MMP17: variants seen among roughly 807,000 people sequenced by gnomAD.
MMP17 encodes matrix metalloproteinase-17.
A neutral mutation model predicts 49.1 loss-of-function variants in MMP17; 54 were observed. The ratio of observed to expected loss-of-function variants is 1.10; its 90% CI spans 0.88 to 1.38. The LOEUF is 1.38. Ranked by LOEUF, MMP17 falls within the 40% of genes most tolerant of loss-of-function variation. MMP17 has a pLI of 0.00. For synonymous variants in MMP17, 397 were observed against 383.1 expected, an observed-to-expected ratio of 1.04 and a Z score of -0.42; for missense variants, 837 against 853.7, an observed-to-expected ratio of 0.98 and a Z score of 0.24.
intron 8 of MMP17, among the ~76,000 whole-genome samples, chr12:131,847,281 C>A (rs550716972): frequency 1.3e-5 from 2 of 151,556 alleles, no homozygotes; most frequent in South Asian, 4.2e-4. Flanking sequence ...GGCGTGGTGG[C>A]GGGCACCTGT....
At chr12:131,829,572 A>C (rs1211740667) in intron 1 of MMP17, among the ~76,000 whole-genome samples, 1 of 152,110 alleles carries the variant, frequency 6.6e-6, no homozygotes, top group Non-Finnish European at 1.5e-5. Flanking sequence ...CCAGGAGCCG[A>C]GGCCTCCCCG....
At chr12:131,835,284 C>T (rs1270543291) in intron 1 of MMP17, among the ~76,000 whole-genome samples, 1 of 152,240 alleles carries the variant, frequency 6.6e-6, no homozygotes, top group African/African-American at 2.4e-5. Context: ...GCGACAGTGC[C>T]TGTTTATCAT....
Position 131,841,717 on chromosome 12 carries a change from G to A in MMP17, c.800G>A (p.Arg267Gln), listed in dbSNP as rs368524477. The A allele has an allele frequency of 8.7e-6, 14 of 1,613,716 alleles. No homozygotes were observed. The highest frequency in any genetic ancestry group is 3.3e-5 in the Admixed American group (2 of 59,998). Residue 267 changes from arginine (R) to glutamine (Q), a missense_variant, in exon 5 of 10, where the codon CGG becomes CAG. Physicochemically the swap from Arg to Gln is conservative, Grantham distance 43 (BLOSUM62 1). Transcript: ENST00000360564. ...SHVAAAHSIMRPYYQGPVGDP... is the reference protein window; with the variant it reads ...SHVAAAHSIMQPYYQGPVGDP... ...GTGGCCGCTGCACACTCCATCATGC[G>A]GCCGTACTACCAGGGCCCGGTGGGT...
intron 5 of MMP17, 102 bp downstream of exon 5, chr12:131,841,902 C>A: frequency 1.5e-6 from 2 of 1,299,316 alleles, no homozygotes; most frequent in Middle Eastern, 2.7e-4. Flanking sequence ...GCTCTCCCCG[C>A]TGTTCCCTCC....
chr12:131,845,974 C>T (rs1415882503), intron 8 of MMP17, among the ~76,000 whole-genome samples: 1 of 152,160 alleles, frequency 6.6e-6, no homozygotes, highest in East Asian at 1.9e-4. Context: ...CTGCCTCTCC[C>T]TGGTCGGCCC....
chr12:131,840,315 C>A (rs1023488544), intron 3 of MMP17: 1 of 470,328 alleles, frequency 2.1e-6, no homozygotes. Context: ...TGGCTCCACG[C>A]GGGAGCTGAC....
chr12:131,836,160 G>A (rs1661076322), intron 1 of MMP17, among the ~76,000 whole-genome samples: 1 of 152,196 alleles, frequency 6.6e-6, no homozygotes, highest in African/African-American at 2.4e-5. Flanking sequence ...TGAGGGGCTG[G>A]GCTGGGTCAG....
intron 3 of MMP17, 58 bp downstream of exon 3, chr12:131,838,799 G>C (rs113178073): frequency 0.061 from 91,481 of 1,507,322 alleles, 3,887 homozygotes; most frequent in South Asian, 0.19. Context: ...GCGTGGCCAG[G>C]GTGAGGAACG....
intron 4 of MMP17, 108 bp from the exon 5 acceptor site, chr12:131,841,516 C>G (rs572339235): frequency 8.6e-7 from 1 of 1,164,244 alleles, no homozygotes; most frequent in Non-Finnish European, 1.3e-6. Context: ...CAGCCGGCAT[C>G]GAGGCATCCC....
In MMP17 at chr12:131,851,149, T is replaced by A; in HGVS notation, c.1687T>A (p.Cys563Ser). ...GGAGGACGGTTACGAGGTCTGCTCA[T>A]GCACCTCTGGGGCATCCTCTCCCCC... is the stretch of plus-strand genomic sequence containing the variant. ...RSEDGYEVCS[C>S]TSGASSPPGA... Residue 563 changes from cysteine (C) to serine (S), a missense_variant, in exon 10 of 10, where the codon TGC (cysteine) becomes AGC (serine). Physicochemically the swap from Cys to Ser is moderately radical, Grantham distance 112 (BLOSUM62 -1). Transcript: ENST00000360564. The A allele has an allele frequency of 2.6e-6, 4 of 1,559,928 alleles. No homozygotes were observed. The highest frequency in any genetic ancestry group is 2.6e-6 in the Non-Finnish European group (3 of 1,152,292).
At position 131,844,005 on chromosome 12, in the gene MMP17, G is replaced by C; in HGVS notation, c.892G>C (p.Glu298Gln). 6.4e-7 allele frequency: 1 copy of C among 1,560,652 alleles called. No individual in the cohort carries two copies. The highest frequency in any genetic ancestry group is 8.7e-7 in the Non-Finnish European group (1 of 1,154,286). Residue 298 changes from glutamate to glutamine, a missense_variant, in exon 6 of 10, where the codon GAG becomes CAG. Physicochemically the swap from Glu to Gln is conservative, Grantham distance 29. Coordinates refer to ENST00000360564, the MANE Select transcript of MMP17 (RefSeq NM_016155.7). ...VRVWQLYGVR[E>Q]SVSPTAQPEE... Reference sequence around the variant, plus strand: ...CTCCTTGTCTCCCGCAGGTGTGCGGGAGTCTGTGTCTCCCACGGCGCAGCC... The same window carrying C: ...CTCCTTGTCTCCCGCAGGTGTGCGGCAGTCTGTGTCTCCCACGGCGCAGCC...
chr12:131,843,809 C>T (rs890432698), intron 5 of MMP17, among the ~76,000 whole-genome samples, 188 bp from the exon 6 acceptor site: 2 of 152,132 alleles, frequency 1.3e-5, no homozygotes, highest in Non-Finnish European at 1.5e-5. Context: ...TTTAACTCGG[C>T]GAGGGGTCTG....
chr12:131,850,808 G>T, intron 9 of MMP17, 117 bp from the exon 10 acceptor site: 1 of 716,496 alleles, frequency 1.4e-6, no homozygotes, highest in South Asian at 3.6e-5. Flanking sequence ...TGTCTGGCCC[G>T]ACTCGAGCCC....
chr12:131,848,072 T>A (rs1887796266), intron 8 of MMP17, among the ~76,000 whole-genome samples: 1 of 152,178 alleles, frequency 6.6e-6, no homozygotes, highest in Admixed American at 6.5e-5. Flanking sequence ...TATATTATTT[T>A]TATTTTTAAT....
At chr12:131,845,870 T>A (rs1328756631) in intron 8 of MMP17, among the ~76,000 whole-genome samples, 1 of 151,778 alleles carries the variant, frequency 6.6e-6, no homozygotes, top group African/African-American at 2.4e-5. Flanking sequence ...CCCTGCCGAG[T>A]CCCAAAAACA....
chr12:131,838,965 T>C (rs910147936), intron 3 of MMP17, among the ~76,000 whole-genome samples: 1 of 151,538 alleles, frequency 6.6e-6, no homozygotes, highest in Non-Finnish European at 1.5e-5. Context: ...GTGGCCAGGG[T>C]GAGGAGTGGG....
chr12:131,829,728 T>G (rs1886697436), intron 1 of MMP17, among the ~76,000 whole-genome samples: 1 of 152,226 alleles, frequency 6.6e-6, no homozygotes, highest in Admixed American at 6.5e-5. Context: ...TTTCAGGCAG[T>G]CGAGGCATAT....
chr12:131,849,151 T>C (rs1887849091), intron 8 of MMP17, among the ~76,000 whole-genome samples: 1 of 152,170 alleles, frequency 6.6e-6, no homozygotes, highest in African/African-American at 2.4e-5. Context: ...ACGTTGACCA[T>C]CTTCAAGTGC....
chr12:131,849,354 G>C (rs1186387216), intron 8 of MMP17, among the ~76,000 whole-genome samples: 1 of 152,096 alleles, frequency 6.6e-6, no homozygotes, highest in Non-Finnish European at 1.5e-5. Flanking sequence ...TGTGGTGGTG[G>C]GCGCCTGTAA....
Sources: gnomAD v4.1 joint callset for allele counts (sites outside exome capture counted in the v4.1 genomes callset) on GRCh38, gnomAD v4.1.1 for gene constraint, MANE v1.5 for transcripts, NCBI Gene and HGNC (gene_info 2026-07-23, HGNC 2026-07-21) for gene names.